The following HAO1 variants were observed in gnomAD, a reference collection of about 807,000 sequenced individuals.
HAO1 encodes hydroxyacid oxidase 1.
Under a neutral mutation model 39.7 loss-of-function variants are expected in HAO1, and 34 were observed. The ratio of observed to expected loss-of-function variants is 0.86; its 90% CI spans 0.65 to 1.14. HAO1 has a LOEUF of 1.14. HAO1 is among the 50% of genes most tolerant of loss of function. HAO1 has a pLI of 0.00. For synonymous variants in HAO1, 172 were observed against 173.2 expected (o/e 0.99, Z 0.05); for missense variants, 479 against 464.5 (o/e 1.03, Z -0.29).
At position 7,927,082 on chromosome 20, in the gene HAO1, C is replaced by T. The variant is rs1215735045; in HGVS notation, c.289+7402G>A. Reference sequence around the variant, plus strand: ...ATGTTTAAAGGGAGAAAAAAAATCTCAAGTAGCTCCATGAAAGATGAAGGA... The same window carrying T: ...ATGTTTAAAGGGAGAAAAAAAATCTTAAGTAGCTCCATGAAAGATGAAGGA... On this transcript the variant is annotated intron_variant, in intron 2 of 7. Coordinates refer to ENST00000378789, the MANE Select transcript of HAO1 (RefSeq NM_017545.3). 2.0e-5 allele frequency among the ~76,000 whole-genome samples: 3 copies of T among 152,026 alleles called. 1 individual carries two copies. In the East Asian group the frequency reaches 5.8e-4, roughly 29 times the overall value.
At chr20:7,884,224 T>C (rs1471999910) in intron 7 of HAO1, among the ~76,000 whole-genome samples, 1 of 152,182 alleles carries the variant, frequency 6.6e-6, no homozygotes, top group Admixed American at 6.5e-5. Flanking sequence ...ATTTATTCTT[T>C]CAGCAAATAT....
At chr20:7,898,555 AT>A (rs1437842448) in intron 4 of HAO1, among the ~76,000 whole-genome samples, 1 of 152,172 alleles carries the variant, frequency 6.6e-6, no homozygotes, top group Non-Finnish European at 1.5e-5. Context: ...TCTCAAACGT[AT>A]TTCATAAATG....
At chr20:7,915,819 A>G (rs1031633327) in intron 2 of HAO1, among the ~76,000 whole-genome samples, 15 of 152,242 alleles carry the variant, frequency 9.9e-5, no homozygotes, top group African/African-American at 2.9e-4. Flanking sequence ...TCAAATTTGT[A>G]CAATTCTACT....
At chr20:7,940,101 G>A (rs1397099586) in intron 1 of HAO1, among the ~76,000 whole-genome samples, 185 bp downstream of exon 1, 1 of 152,132 alleles carries the variant, frequency 6.6e-6, no homozygotes, top group African/African-American at 2.4e-5. Flanking sequence ...AGATTCACAG[G>A]CTTGGAATAT....
chr20:7,901,574 T>A (rs1273364856), intron 4 of HAO1, among the ~76,000 whole-genome samples: 1 of 152,208 alleles, frequency 6.6e-6, no homozygotes, highest in Admixed American at 6.5e-5. Context: ...TCATTGACAG[T>A]GCACCTAGTG....
At chr20:7,920,298 C>CCTCCCCAGCCA (rs1304212830) in intron 2 of HAO1, among the ~76,000 whole-genome samples, 1 of 152,092 alleles carries the variant, frequency 6.6e-6, no homozygotes, top group Non-Finnish European at 1.5e-5. Context: ...CTTCCTGAGG[C>CCTCCCCAGCCA]CTCCCCAGCC....
chr20:7,939,381 T>C (rs1451283904), intron 1 of HAO1, among the ~76,000 whole-genome samples: 2 of 152,202 alleles, frequency 1.3e-5, no homozygotes, highest in Non-Finnish European at 2.9e-5. Context: ...AATTTAAATA[T>C]GGAAAACTGA....
At chr20:7,885,910 T>C in intron 5 of HAO1, 46 bp from the exon 6 acceptor site, 1 of 1,532,266 alleles carries the variant, frequency 6.5e-7, no homozygotes, top group Non-Finnish European at 9.0e-7. Context: ...AACACTGAAT[T>C]GTTATTCAAC....
At chr20:7,925,114 TATGA>T (rs943273100) in intron 2 of HAO1, among the ~76,000 whole-genome samples, 1 of 152,210 alleles carries the variant, frequency 6.6e-6, no homozygotes, top group African/African-American at 2.4e-5. Flanking sequence ...AACATTGTTT[TATGA>T]ATGTCTAAAA....
chr20:7,928,031 G>C (rs2250943), intron 2 of HAO1, among the ~76,000 whole-genome samples: 39,828 of 152,098 alleles, frequency 0.26, 5,765 homozygotes, highest in East Asian at 0.51. Context: ...ACTAATTGCT[G>C]TATAAATGCT....
intron 3 of HAO1, among the ~76,000 whole-genome samples, chr20:7,911,440 A>G (rs1302517263): frequency 2.6e-5 from 4 of 152,204 alleles, no homozygotes; most frequent in Non-Finnish European, 5.9e-5. Context: ...AATTCAGGGT[A>G]AATGAACCAT....
At chr20:7,933,753 A>G (rs1279798459) in intron 2 of HAO1, among the ~76,000 whole-genome samples, 1 of 152,190 alleles carries the variant, frequency 6.6e-6, no homozygotes, top group African/African-American at 2.4e-5. Flanking sequence ...CTGGAGCACA[A>G]TTTGGGGAGA....
At position 7,940,412 on chromosome 20, in the gene HAO1, CG is replaced by C. The variant is rs1227316314; in HGVS notation, c.10del (p.Arg4GlyfsTer2). MLP[R>X]LICINDYEQH... ...TTCATAATCATTGATACAAATTAGC[CG>C]GGGGAGCATTTTCACAGGTTATTGC... is the stretch of plus-strand genomic sequence containing the variant. On this transcript the variant is annotated frameshift_variant, in exon 1 of 8. Coordinates refer to ENST00000378789, the MANE Select transcript of HAO1 (RefSeq NM_017545.3). LOFTEE classifies it high-confidence loss of function. The C allele has an allele frequency of 1.9e-6, 3 of 1,603,658 alleles. No individual in the cohort carries two copies. The highest frequency in any genetic ancestry group is 4.5e-5 in the East Asian group (2 of 44,522).
chr20:7,935,183 A>G (rs1439945111), intron 1 of HAO1, among the ~76,000 whole-genome samples: 1 of 152,176 alleles, frequency 6.6e-6, no homozygotes, highest in Non-Finnish European at 1.5e-5. Flanking sequence ...GTACGTGTCA[A>G]TAGTTTGTTC....
chr20:7,892,784 T>C (rs893835961), intron 5 of HAO1, among the ~76,000 whole-genome samples: 3 of 152,142 alleles, frequency 2.0e-5, no homozygotes, highest in African/African-American at 7.2e-5. Context: ...AGTAAATATA[T>C]ATATATGACA....
chr20:7,895,410 A>C (rs1483928980), intron 4 of HAO1, among the ~76,000 whole-genome samples, 186 bp from the exon 5 acceptor site: 1 of 151,494 alleles, frequency 6.6e-6, no homozygotes, highest in Non-Finnish European at 1.5e-5. Context: ...TTGGCCAAAA[A>C]CAACAAAAAA....
At chr20:7,925,734 C>T (rs1005167819) in intron 2 of HAO1, among the ~76,000 whole-genome samples, 1 of 152,122 alleles carries the variant, frequency 6.6e-6, no homozygotes, top group African/African-American at 2.4e-5. Context: ...TTCACTGTCA[C>T]ATTTTAATGT....
At chr20:7,917,648 G>A (rs2050313271) in intron 2 of HAO1, among the ~76,000 whole-genome samples, 1 of 152,116 alleles carries the variant, frequency 6.6e-6, no homozygotes. Context: ...TGCAGAGTGT[G>A]GATGCACAAA....
intron 5 of HAO1, among the ~76,000 whole-genome samples, chr20:7,891,516 T>C (rs2050174067): frequency 6.6e-6 from 1 of 152,194 alleles, no homozygotes; most frequent in African/African-American, 2.4e-5. Flanking sequence ...GCTGACTTCA[T>C]TTTGCTGTGC....
Sources: allele counts gnomAD v4.1 joint callset (sites outside exome capture counted in the v4.1 genomes callset), GRCh38; gene constraint gnomAD v4.1.1; transcripts MANE v1.5; gene names NCBI Gene and HGNC (gene_info 2026-07-23, HGNC 2026-07-21).